PIGN: variants seen among roughly 807,000 people sequenced by gnomAD.
The protein encoded by PIGN is phosphatidylinositol glycan anchor biosynthesis class N.
A neutral mutation model predicts 125.4 loss-of-function variants in PIGN; 117 were observed. The ratio of observed to expected loss-of-function variants is 0.93; its 90% CI spans 0.80 to 1.09. The LOEUF is 1.09. PIGN is among the 50% of genes least tolerant of loss of function. The pLI is 0.00. For missense variants in PIGN, 1,075 were observed against 1,094.9 expected, an observed-to-expected ratio of 0.98 and a Z score of 0.26; for synonymous variants, 392 against 377.8, an observed-to-expected ratio of 1.04 and a Z score of -0.44.
At chr18:62,062,411 C>T (rs4941104) in intron 30 of PIGN, among the ~76,000 whole-genome samples, 45,878 of 152,072 alleles carry the variant, frequency 0.3, 8,081 homozygotes, top group East Asian at 0.58. Flanking sequence ...GCAAGCATCC[C>T]GTTTAACCTA....
chr18:62,088,828 C>T lies in PIGN; in HGVS notation c.2298G>A (p.Gln766=), dbSNP rs1424988094. Residue 766 remains glutamine (Q), a synonymous_variant, in exon 25 of 31, where the codon CAG becomes CAA. Transcript: ENST00000640252. The part of the protein sequence containing the change: ...VCCKQKLTSI[Q]FSYNTDITQF... ...GAGTTATATCAGTATTATAAGAGAA[C>T]TGGATACTGGTGAGCTGTGAGATAA... 15 of 1,540,162 alleles carry T rather than the reference C, an allele frequency of 9.7e-6. No homozygotes were observed. The highest frequency in any genetic ancestry group is 2.4e-5 in the East Asian group (1 of 41,908).
At chr18:62,156,263 T>C (rs1322378498) in intron 6 of PIGN, among the ~76,000 whole-genome samples, 1 of 152,216 alleles carries the variant, frequency 6.6e-6, no homozygotes, top group East Asian at 1.9e-4. Context: ...ATGCCATATA[T>C]ATCAAATGCC....
chr18:62,046,466 A>G (rs1294599100), intron 30 of PIGN, among the ~76,000 whole-genome samples: 2 of 87,480 alleles, frequency 2.3e-5, no homozygotes, highest in Non-Finnish European at 5.2e-5. Context: ...CCTGTCGTGA[A>G]CTGTGCTTGC....
intron 23 of PIGN, 41 bp from the exon 24 acceptor site, chr18:62,090,619 G>A: frequency 1.7e-6 from 2 of 1,158,794 alleles, no homozygotes; most frequent in Non-Finnish European, 2.5e-6. Context: ...GAAAAAAACA[G>A]TAAAATAAGT....
intron 1 of PIGN, among the ~76,000 whole-genome samples, chr18:62,167,567 G>A (rs1384055506): frequency 1.3e-5 from 2 of 150,858 alleles, no homozygotes; most frequent in Non-Finnish European, 2.9e-5. Flanking sequence ...GCGAGGCAGA[G>A]GCTGCAGTGA....
intron 20 of PIGN, among the ~76,000 whole-genome samples, chr18:62,104,805 G>A (rs1287560716): frequency 6.6e-6 from 1 of 152,130 alleles, no homozygotes; most frequent in Non-Finnish European, 1.5e-5. Context: ...AAGTAACAAA[G>A]ATGATTTAAT....
At position 62,117,516 on chromosome 18, in the gene PIGN, G is replaced by A. The variant is rs78871072; in HGVS notation, c.1173-2877C>T. On this transcript the variant is annotated intron_variant, in intron 14 of 30. Transcript: ENST00000640252. ...AAAATAGATTTTTAAAATAGGGATT[G>A]AAGTGTATTACACCATTTTATTCCT... Among the ~76,000 whole-genome samples the A allele has an allele frequency of 9.6e-3, 1,457 of 151,612 alleles. 46 individuals are homozygous for A. The highest frequency in any genetic ancestry group is 0.068 in the East Asian group (354 of 5,170).
intron 30 of PIGN, among the ~76,000 whole-genome samples, chr18:62,061,014 T>C (rs1368654520): frequency 6.6e-6 from 1 of 152,160 alleles, no homozygotes; most frequent in African/African-American, 2.4e-5. Context: ...ACATGGCTGT[T>C]AAAAAGCATA....
At chr18:62,160,872 G>T (rs772818519) in intron 4 of PIGN, among the ~76,000 whole-genome samples, 1 of 152,114 alleles carries the variant, frequency 6.6e-6, no homozygotes, top group Non-Finnish European at 1.5e-5. Context: ...GGGAAATTAG[G>T]ACAATTTAGC....
At chr18:62,179,324 C>G (rs1021047337) in intron 1 of PIGN, among the ~76,000 whole-genome samples, 3 of 152,220 alleles carry the variant, frequency 2.0e-5, no homozygotes, top group African/African-American at 4.8e-5. Context: ...GAAGTCACTA[C>G]GTGCAGCCAA....
At chr18:62,161,084 C>G (rs769731313) in intron 4 of PIGN, 49 bp downstream of exon 4, 3 of 1,272,540 alleles carry the variant, frequency 2.4e-6, no homozygotes, top group Non-Finnish European at 3.4e-6. Context: ...GTTTACTTAA[C>G]TCAGAATAAC....
At chr18:62,175,180 A>G (rs1271472442) in intron 1 of PIGN, among the ~76,000 whole-genome samples, 1 of 150,900 alleles carries the variant, frequency 6.6e-6, no homozygotes, top group Non-Finnish European at 1.5e-5. Context: ...ACTTCTCCAC[A>G]TTCACTGCCA....
chr18:62,038,604 GCTGAC>G (rs1005560939), downstream of PIGN, among the ~76,000 whole-genome samples: 2 of 152,134 alleles, frequency 1.3e-5, no homozygotes, highest in African/African-American at 4.8e-5. Context: ...CAAAGGCACA[GCTGAC>G]CACTACACAC....
At chr18:62,039,276 C>T (rs1341402526), downstream of PIGN, among the ~76,000 whole-genome samples, 1 of 152,138 alleles carries the variant, frequency 6.6e-6, no homozygotes, top group Admixed American at 6.5e-5. Flanking sequence ...GGTTCCAACA[C>T]ACTCCCTCAC....
intron 22 of PIGN, among the ~76,000 whole-genome samples, chr18:62,099,431 C>G (rs1182806536): frequency 6.6e-6 from 1 of 152,002 alleles, no homozygotes; most frequent in Non-Finnish European, 1.5e-5. Flanking sequence ...ACATCCTTCA[C>G]AGAAATAGAA....
intron 14 of PIGN, among the ~76,000 whole-genome samples, chr18:62,117,663 T>C (rs2035138282): frequency 6.6e-6 from 1 of 152,136 alleles, no homozygotes; most frequent in Admixed American, 6.6e-5. Context: ...TGAAATATTT[T>C]ATAAATAGAA....
intron 17 of PIGN, among the ~76,000 whole-genome samples, chr18:62,107,988 G>GA (rs1187721258): frequency 6.6e-6 from 1 of 151,940 alleles, no homozygotes; most frequent in Non-Finnish European, 1.5e-5. Context: ...TCATCACTAG[G>GA]AAAAAAAGTT....
rs2030418573 is a variant in PIGN at position 62,042,556 on chromosome 18, T to C, written c.*3300A>G. ...TTTTTGTTTCTTTATAGAATGAATATTAAGTACTTTTCATGAGTTTACCCA... is the reference window on the plus strand; with the variant it reads ...TTTTTGTTTCTTTATAGAATGAATACTAAGTACTTTTCATGAGTTTACCCA... On this transcript the variant is annotated 3_prime_UTR_variant, in exon 31 of 31. Transcript: ENST00000640252. 6.6e-6 allele frequency: 1 copy of C among 152,154 alleles called. No homozygotes were observed. The highest frequency in any genetic ancestry group is 1.5e-5 in the Non-Finnish European group (1 of 68,014). 9.4% of individuals were successfully genotyped at this position (152,154 alleles called of 1,614,324 possible).
At chr18:62,141,887 T>C (rs896004052) in intron 11 of PIGN, among the ~76,000 whole-genome samples, 1 of 152,194 alleles carries the variant, frequency 6.6e-6, no homozygotes, top group Non-Finnish European at 1.5e-5. Context: ...TAATACACCA[T>C]GTACCCTCTC....
Sources: gnomAD v4.1 joint callset for allele counts (sites outside exome capture counted in the v4.1 genomes callset) on GRCh38, gnomAD v4.1.1 for gene constraint, MANE v1.5 for transcripts, NCBI Gene and HGNC (gene_info 2026-07-23, HGNC 2026-07-21) for gene names.